Variants in MLPH observed in about 807,000 individuals in gnomAD.
The protein encoded by MLPH is melanophilin.
MLPH carries 51 observed loss-of-function variants against 72.1 expected under a neutral mutation model. The observed-to-expected ratio is 0.71, with a 90% confidence interval of 0.56 to 0.89. The LOEUF (loss-of-function observed/expected upper bound fraction) is 0.89, where lower values mean the gene tolerates loss of function less well. Ranked by LOEUF, MLPH falls within the 40% of genes least tolerant of loss-of-function variation. MLPH has a pLI of 0.00. For missense variants in MLPH, 743 were observed against 759.9 expected (o/e 0.98, Z 0.26); for synonymous variants, 301 against 310.1 (o/e 0.97, Z 0.31).
chr2:237,510,333 A>C lies in MLPH; in HGVS notation c.111-241A>C, dbSNP rs1332579660. 1 of 586,364 alleles carries C rather than the reference A, an allele frequency of 1.7e-6. No individual in the cohort carries two copies. Among genetic ancestry groups the C allele is most frequent in the African/African-American group, 1.9e-5 (1 of 53,502 alleles). The allele number at this position is 586,364 out of a possible 1,614,324, so 36.3% of individuals were successfully genotyped here. A position where few individuals can be genotyped will look rare whatever the true frequency, so the allele number is the denominator to read the frequency against. On this transcript the variant is annotated intron_variant, in intron 2 of 15. Transcript: ENST00000264605. The surrounding 1 kb of genome is among the most constrained non-coding windows in gnomAD (Gnocchi z 4.4). ...GCTTAAATGCAATATCATTTCTATG[A>C]AATTAACGTGTTTCCATTCCATTCC...
chr2:237,492,530 G>T (rs1298551797), intron 1 of MLPH, among the ~76,000 whole-genome samples: 1 of 151,916 alleles, frequency 6.6e-6, no homozygotes. Flanking sequence ...GTGAGGCCTG[G>T]CCACCAGTAG....
intron 2 of MLPH, among the ~76,000 whole-genome samples, chr2:237,498,286 A>G (rs907870735): frequency 1.3e-5 from 2 of 152,242 alleles, no homozygotes; most frequent in Non-Finnish European, 2.9e-5. Flanking sequence ...TAAAATTAGC[A>G]GATGTGTGTC....
intron 2 of MLPH, among the ~76,000 whole-genome samples, chr2:237,494,184 G>T (rs567220836): frequency 6.6e-6 from 1 of 152,188 alleles, no homozygotes; most frequent in Non-Finnish European, 1.5e-5. Flanking sequence ...CGGCGAAGGG[G>T]GGGGCAGAGA....
intron 7 of MLPH, 187 bp from the exon 8 acceptor site, chr2:237,527,190 G>A (rs2106343173): frequency 1.4e-6 from 1 of 710,746 alleles, no homozygotes; most frequent in African/African-American, 1.8e-5. Context: ...CTTTTTTCCT[G>A]AAGATCTTTG....
At chr2:237,493,658 G>A (rs1176767534) in intron 2 of MLPH, 122 bp downstream of exon 2, 4 of 738,182 alleles carry the variant, frequency 5.4e-6, no homozygotes, top group Non-Finnish European at 9.8e-6. Context: ...TGGACAGGAA[G>A]CCAGGTCTGG....
intron 1 of MLPH, among the ~76,000 whole-genome samples, chr2:237,490,170 C>T (rs1157515117): frequency 6.6e-6 from 1 of 152,114 alleles, no homozygotes; most frequent in Non-Finnish European, 1.5e-5. Flanking sequence ...GGAGCCCCCA[C>T]CCCACCCAGC....
intron 2 of MLPH, among the ~76,000 whole-genome samples, chr2:237,494,382 G>C (rs557056271): frequency 3.4e-4 from 52 of 152,192 alleles, no homozygotes; most frequent in African/African-American, 9.9e-4. Flanking sequence ...CAGGAAGAGA[G>C]GCAGTTGGAG....
At chr2:237,520,278 C>G (rs1262080656) in intron 6 of MLPH, among the ~76,000 whole-genome samples, 1 of 152,102 alleles carries the variant, frequency 6.6e-6, no homozygotes, top group Non-Finnish European at 1.5e-5. Flanking sequence ...CGATGCAGGG[C>G]CCTGAGACTG....
chr2:237,493,016 C>T (rs918490816), intron 1 of MLPH, among the ~76,000 whole-genome samples: 4 of 152,140 alleles, frequency 2.6e-5, no homozygotes, highest in African/African-American at 4.8e-5. Flanking sequence ...AAACTTAAGG[C>T]GAGAAGCCTC....
rs1435927542 is a variant in MLPH, at chr2:237,541,257, G to A, written c.1446+300G>A. ...ACACAATCCCTGACCCAGGATGGGG[G>A]CCTAGAAGCAGGCCTGGAATTTAGG... On this transcript the variant is annotated intron_variant, in intron 11 of 15. Coordinates refer to ENST00000264605, the MANE Select transcript of MLPH (RefSeq NM_024101.7). The surrounding 1 kb of genome is among the most constrained non-coding windows in gnomAD (Gnocchi z 5.1). 1.3e-5 allele frequency among the ~76,000 whole-genome samples: 2 copies of A among 152,174 alleles called. No homozygotes were observed. Among genetic ancestry groups the A allele is most frequent in the Non-Finnish European group, 2.9e-5 (2 of 68,036 alleles).
chr2:237,499,090 G>A (rs768422633), intron 2 of MLPH, among the ~76,000 whole-genome samples: 16 of 152,052 alleles, frequency 1.1e-4, no homozygotes, highest in East Asian at 7.7e-4. Context: ...GGAGGGTTTC[G>A]TCCATATGCT....
chr2:237,529,825 T>C (rs867319591), intron 8 of MLPH, among the ~76,000 whole-genome samples: 2 of 152,198 alleles, frequency 1.3e-5, no homozygotes, highest in South Asian at 4.1e-4. Flanking sequence ...TCCTTGGGCA[T>C]GGTGATGCCT....
intron 9 of MLPH, among the ~76,000 whole-genome samples, chr2:237,535,282 C>T (rs1348445514): frequency 6.6e-6 from 1 of 152,008 alleles, no homozygotes; most frequent in Non-Finnish European, 1.5e-5. Context: ...AAATTCATTC[C>T]TTCAATAATG....
chr2:237,496,108 C>T (rs2079530966), intron 2 of MLPH, among the ~76,000 whole-genome samples: 1 of 152,248 alleles, frequency 6.6e-6, no homozygotes, highest in Admixed American at 6.5e-5. Flanking sequence ...ATTAGTAGAA[C>T]CCCCTTCTGG....
At chr2:237,551,059 G>A (rs948190063) in intron 14 of MLPH, among the ~76,000 whole-genome samples, 1 of 152,214 alleles carries the variant, frequency 6.6e-6, no homozygotes, top group African/African-American at 2.4e-5. Flanking sequence ...ATTTCTCCCC[G>A]CCATCCTCAC....
chr2:237,547,985 C>T (rs973417524), intron 13 of MLPH, among the ~76,000 whole-genome samples: 14 of 152,172 alleles, frequency 9.2e-5, no homozygotes, highest in African/African-American at 3.4e-4. Flanking sequence ...CTAGCCACTC[C>T]TCTTCCAACC....
chr2:237,540,155 A>C (rs1456298530), intron 9 of MLPH, among the ~76,000 whole-genome samples, 193 bp from the exon 10 acceptor site: 2 of 152,244 alleles, frequency 1.3e-5, no homozygotes, highest in African/African-American at 4.8e-5. Context: ...CCAGCCCTGC[A>C]GAACCTGCTC....
chr2:237,523,648 G>A (rs13399633), intron 6 of MLPH, among the ~76,000 whole-genome samples: 25,497 of 152,170 alleles, frequency 0.17, 2,390 homozygotes, highest in African/African-American at 0.23. Context: ...AAGTATTAAC[G>A]TATTTTCTCG....
intron 1 of MLPH, among the ~76,000 whole-genome samples, chr2:237,490,785 G>A (rs1485078594): frequency 6.6e-6 from 1 of 152,152 alleles, no homozygotes; most frequent in African/African-American, 2.4e-5. Flanking sequence ...TGTGCTCTGT[G>A]AGAGCATCAA....
Sources: allele counts gnomAD v4.1 joint callset (sites outside exome capture counted in the v4.1 genomes callset), GRCh38; gene constraint gnomAD v4.1.1; non-coding constraint Gnocchi (gnomAD v3.1); transcripts MANE v1.5; gene names NCBI Gene and HGNC (gene_info 2026-07-23, HGNC 2026-07-21).